The following MYRIP variants were observed in gnomAD, a reference collection of about 807,000 sequenced individuals.
The protein encoded by MYRIP is rab effector MyRIP.
A neutral mutation model predicts 98.0 loss-of-function variants in MYRIP; 49 were observed. The ratio of observed to expected loss-of-function variants is 0.50; its 90% CI spans 0.40 to 0.63. The LOEUF is 0.63. Ranked by LOEUF, MYRIP falls within the 30% of genes least tolerant of loss-of-function variation. MYRIP has a pLI of 0.00. For synonymous variants in MYRIP, 404 were observed against 409.5 expected, an observed-to-expected ratio of 0.99 and a Z score of 0.16; for missense variants, 1,004 against 1,058.2, an observed-to-expected ratio of 0.95 and a Z score of 0.71.
intron 2 of MYRIP, among the ~76,000 whole-genome samples, chr3:39,906,841 C>T (rs1046682430): frequency 1.3e-5 from 2 of 152,060 alleles, no homozygotes; most frequent in African/African-American, 4.8e-5. Flanking sequence ...TTGTTCATGG[C>T]AGAAATAAAG....
At chr3:40,077,698 C>T (rs1383339517) in intron 3 of MYRIP, among the ~76,000 whole-genome samples, 10 of 152,276 alleles carry the variant, frequency 6.6e-5, no homozygotes, top group Admixed American at 6.5e-4. Flanking sequence ...TCCAAGGCCC[C>T]ACCACAGTAG....
rs78731852 is a variant in MYRIP at position 40,017,468 on chromosome 3, A to C, written c.111-26582A>C. On this transcript the variant is annotated intron_variant, in intron 2 of 16. Transcript: ENST00000302541. ...GAGGCAGCCTGTTAGTAGACAAGTC[A>C]GTTCTCAAACCCAACCCAGCTGACC... 7.5e-3 allele frequency among the ~76,000 whole-genome samples: 1,142 copies of C among 152,300 alleles called. 15 individuals are homozygous for C. The highest frequency in any genetic ancestry group is 0.026 in the African/African-American group (1,087 of 41,574).
At chr3:40,073,542 C>T (rs1948274429) in intron 3 of MYRIP, among the ~76,000 whole-genome samples, 2 of 152,192 alleles carry the variant, frequency 1.3e-5, no homozygotes, top group South Asian at 2.1e-4. Flanking sequence ...GTGATCAATA[C>T]GAATCCTACC....
chr3:39,868,512 C>T (rs1942689079), intron 1 of MYRIP, among the ~76,000 whole-genome samples: 1 of 152,140 alleles, frequency 6.6e-6, no homozygotes, highest in Non-Finnish European at 1.5e-5. Context: ...CTGGGTACCT[C>T]TCCAAACCCT....
intron 3 of MYRIP, among the ~76,000 whole-genome samples, chr3:40,046,036 T>C (rs1221955349): frequency 6.6e-6 from 1 of 151,956 alleles, no homozygotes; most frequent in Admixed American, 6.6e-5. Flanking sequence ...ATCAGTTGAG[T>C]GGTGACCATG....
chr3:40,122,028 A>G (rs1949415977), intron 3 of MYRIP, among the ~76,000 whole-genome samples: 1 of 152,200 alleles, frequency 6.6e-6, no homozygotes, highest in African/African-American at 2.4e-5. Flanking sequence ...TATTTTATTT[A>G]TAGTGAAACC....
chr3:39,843,952 C>T (rs2125597737), intron 1 of MYRIP, among the ~76,000 whole-genome samples: 1 of 152,274 alleles, frequency 6.6e-6, no homozygotes, highest in Middle Eastern at 3.4e-3. Context: ...GGACAGGCTA[C>T]CATGTCCATT....
chr3:40,203,250 C>T (rs1202701121), intron 10 of MYRIP, among the ~76,000 whole-genome samples: 3 of 152,022 alleles, frequency 2.0e-5, no homozygotes, highest in Admixed American at 2.0e-4. Flanking sequence ...TATTTCTATC[C>T]TTGTGTTTCT....
At chr3:40,097,468 G>GA (rs147882313) in intron 3 of MYRIP, among the ~76,000 whole-genome samples, 288 of 148,240 alleles carry the variant, frequency 1.9e-3, no homozygotes, top group African/African-American at 6.4e-3. Context: ...ATTTTGGTAG[G>GA]AAAAAAAAAA....
intron 4 of MYRIP, among the ~76,000 whole-genome samples, chr3:40,153,864 G>A (rs12486621): frequency 0.23 from 35,324 of 152,024 alleles, 4,641 homozygotes; most frequent in South Asian, 0.41. Flanking sequence ...AATTCAGGCC[G>A]GGCACAGTGG....
chr3:40,039,012 C>A (rs1054304202), intron 2 of MYRIP, among the ~76,000 whole-genome samples: 32 of 152,154 alleles, frequency 2.1e-4, no homozygotes, highest in Admixed American at 6.6e-4. Flanking sequence ...TGAAGGAATC[C>A]CAAAGGTGGT....
chr3:40,244,373 G>A, intron 12 of MYRIP, 73 bp from the exon 13 acceptor site: 1 of 1,404,754 alleles, frequency 7.1e-7, no homozygotes, highest in African/African-American at 1.5e-5. Flanking sequence ...TGAATTGCTG[G>A]GGTCCCCTCA....
chr3:40,122,880 A>T (rs552490239), intron 3 of MYRIP, among the ~76,000 whole-genome samples: 158 of 151,970 alleles, frequency 1.0e-3, no homozygotes, highest in Admixed American at 3.4e-3. Context: ...ATTTTTTTTT[A>T]ACTTTTATTT....
In MYRIP at chr3:40,035,577, G is replaced by A. The variant is rs184058968; in HGVS notation, c.111-8473G>A. 1.5e-3 allele frequency among the ~76,000 whole-genome samples: 228 copies of A among 152,038 alleles called. 1 individual carries two copies. The highest frequency in any genetic ancestry group is 5.3e-3 in the African/African-American group (222 of 41,518). On this transcript the variant is annotated intron_variant, in intron 2 of 16. Transcript: ENST00000302541. ...GAACTGAATATAAGAATCAGGAAGG[G>A]GGCGTAAAAGAAGTATATTTACAAT...
intron 2 of MYRIP, among the ~76,000 whole-genome samples, chr3:39,989,104 T>G (rs983288587): frequency 3.3e-5 from 5 of 152,064 alleles, no homozygotes; most frequent in African/African-American, 1.2e-4. Flanking sequence ...CTCTGGCCTT[T>G]TAGATTTTCA....
chr3:40,211,739 C>T lies in MYRIP; in HGVS notation c.1905+1646C>T, dbSNP rs977947204. ...GCCTATGGTCCCAAGGCTCTAAAAA[C>T]TCTCACTGTACCAGTGGCATGCCAG... is the stretch of plus-strand genomic sequence containing the variant. On this transcript the variant is annotated intron_variant, in intron 11 of 16. Coordinates refer to ENST00000302541, the MANE Select transcript of MYRIP (RefSeq NM_015460.4). Among the ~76,000 whole-genome samples, 6 of 152,268 alleles carry T rather than the reference C, an allele frequency of 3.9e-5. No homozygotes were observed. In the East Asian group the frequency reaches 1.2e-3, roughly 29 times the overall value.
intron 3 of MYRIP, among the ~76,000 whole-genome samples, chr3:40,144,146 C>T (rs953644621): frequency 6.6e-6 from 1 of 152,184 alleles, no homozygotes; most frequent in African/African-American, 2.4e-5. Flanking sequence ...TTTGTTGGCT[C>T]ATATAATGGT....
intron 11 of MYRIP, among the ~76,000 whole-genome samples, chr3:40,228,266 C>T (rs1952545579): frequency 6.6e-6 from 1 of 152,174 alleles, no homozygotes; most frequent in African/African-American, 2.4e-5. Context: ...GGCACTTGTG[C>T]ATTTATGGGC....
chr3:40,068,646 T>C (rs754878840), intron 3 of MYRIP, among the ~76,000 whole-genome samples: 3 of 152,216 alleles, frequency 2.0e-5, no homozygotes, highest in Non-Finnish European at 2.9e-5. Flanking sequence ...ATTCAAGTTA[T>C]GCACAAGAAA....
Sources: gnomAD v4.1 joint callset for allele counts (sites outside exome capture counted in the v4.1 genomes callset) on GRCh38, gnomAD v4.1.1 for gene constraint, MANE v1.5 for transcripts, NCBI Gene and HGNC (gene_info 2026-07-23, HGNC 2026-07-21) for gene names.